ERVK3-1: variants seen among roughly 807,000 people sequenced by gnomAD.
ERVK3-1 encodes the protein endogenous retrovirus group K3 member 1.
At chr19:58,315,441 A>G (rs941540836) in exon 4 of ERVK3-1, 2 of 152,236 alleles carry the variant, frequency 1.3e-5, no homozygotes, top group Non-Finnish European at 2.9e-5. Context: ...AAATGGAGTC[A>G]TACAATATGT....
downstream of ERVK3-1, among the ~76,000 whole-genome samples, chr19:58,316,078 ATGG>A (rs2051590927): frequency 6.6e-6 from 1 of 152,088 alleles, no homozygotes; most frequent in African/African-American, 2.4e-5. Flanking sequence ...AGTGAGGTAG[ATGG>A]TGGGGTGGCA....
Position 58,310,701 on chromosome 19 carries a change from T to C in ERVK3-1, c.-3-1465T>C, listed in dbSNP as rs1026202825. On this transcript the variant is annotated intron_variant, in intron 2 of 3. Transcript: ENST00000413518. This position sits in a 1 kb window ranked among gnomAD's most constrained non-coding sequence, Gnocchi z 4.7. ...GAAGGCGGACTAGGAGCGTGACCAC[T>C]GAAGCACAGAATCACAGGGAGACGG... 6.2e-5 allele frequency: 12 copies of C among 193,762 alleles called. No individual in the cohort carries two copies. Among genetic ancestry groups the C allele is most frequent in the Admixed American group, 4.4e-4 (8 of 18,390 alleles). The allele number at this position is 193,762 out of a possible 1,614,324, so 12.0% of individuals were successfully genotyped here. A position where few individuals can be genotyped will look rare whatever the true frequency, so the allele number is the denominator to read the frequency against.
chr19:58,316,350 C>T (rs1393931170), downstream of ERVK3-1, among the ~76,000 whole-genome samples: 21 of 152,158 alleles, frequency 1.4e-4, no homozygotes, highest in Non-Finnish European at 1.3e-4. Context: ...CTGCCCAGGC[C>T]ATCAGAGTAT....
At chr19:58,306,066 C>G (rs572036740) in intron 1 of ERVK3-1, 22 bp from the exon 2 acceptor site, 1 of 152,486 alleles carries the variant, frequency 6.6e-6, no homozygotes, top group Non-Finnish European at 1.5e-5. Context: ...TTTCTGCCTT[C>G]GTTCTCCTTC....
rs2051571953 is a variant in ERVK3-1 at position 58,313,734 on chromosome 19, T to A, written c.295-1014T>A. ...ATACAAACACACAACATATCCACTC[T>A]AATAATTCTGGGTCGTATCCCTGGA... On this transcript the variant is annotated intron_variant, in intron 3 of 3. Transcript: ENST00000413518. This position sits in a 1 kb window ranked among gnomAD's most constrained non-coding sequence, Gnocchi z 4.5. Among the ~76,000 whole-genome samples, 1 of 152,236 alleles carries A rather than the reference T, an allele frequency of 6.6e-6. No individual in the cohort carries two copies. The highest frequency in any genetic ancestry group is 2.4e-5 in the African/African-American group (1 of 41,466).
rs1244269647 is a variant in ERVK3-1 at position 58,310,001 on chromosome 19, CT to C, written c.-3-2164del. The C allele has an allele frequency of 1.3e-5, 2 of 152,188 alleles. No individual in the cohort carries two copies. The highest frequency in any genetic ancestry group is 2.9e-5 in the Non-Finnish European group (2 of 68,042). 9.4% of individuals were successfully genotyped at this position (152,188 alleles called of 1,614,324 possible). A position where few individuals can be genotyped will look rare whatever the true frequency, so the allele number is the denominator to read the frequency against. On this transcript the variant is annotated intron_variant, in intron 2 of 3. Coordinates refer to ENST00000413518, the Ensembl canonical transcript of ERVK3-1. The surrounding 1 kb of genome is among the most constrained non-coding windows in gnomAD (Gnocchi z 4.7). ...TATAAAATTCACCCTTTTATTCCCCCTGTGATTGCTCATCACAAACCCATTT... is the reference window on the plus strand; with the variant it reads ...TATAAAATTCACCCTTTTATTCCCCCGTGATTGCTCATCACAAACCCATTT...
At chr19:58,307,437 C>T (rs142361155) in intron 2 of ERVK3-1, among the ~76,000 whole-genome samples, 5 of 152,184 alleles carry the variant, frequency 3.3e-5, no homozygotes, top group African/African-American at 9.7e-5. Flanking sequence ...TGAACTCCAT[C>T]GTTCAACTGT....
At position 58,310,084 on chromosome 19, in the gene ERVK3-1, G is replaced by A. The variant is rs1272964520; in HGVS notation, c.-3-2082G>A. Reference sequence around the variant, plus strand: ...TTCCAAAAGCCACACAGCCATTTATGGACCTAAATATACTTAAATAATAAA... The same window carrying A: ...TTCCAAAAGCCACACAGCCATTTATAGACCTAAATATACTTAAATAATAAA... On this transcript the variant is annotated intron_variant, in intron 2 of 3. Coordinates refer to ENST00000413518, the Ensembl canonical transcript of ERVK3-1. The surrounding 1 kb of genome is among the most constrained non-coding windows in gnomAD (Gnocchi z 4.7). 6.6e-6 allele frequency: 1 copy of A among 152,208 alleles called. No individual in the cohort carries two copies. Among genetic ancestry groups the A allele is most frequent in the African/African-American group, 2.4e-5 (1 of 41,516 alleles). The allele number at this position is 152,208 out of a possible 1,614,324, so 9.4% of individuals were successfully genotyped here. A position where few individuals can be genotyped will look rare whatever the true frequency, so the allele number is the denominator to read the frequency against.
At chr19:58,307,164 G>A (rs1278591956) in intron 2 of ERVK3-1, among the ~76,000 whole-genome samples, 1 of 152,244 alleles carries the variant, frequency 6.6e-6, no homozygotes, top group African/African-American at 2.4e-5. Context: ...CGCTAAGCGT[G>A]CCTGGGCCAC....
chr19:58,316,579 G>C (rs2051594016), downstream of ERVK3-1, among the ~76,000 whole-genome samples: 1 of 152,216 alleles, frequency 6.6e-6, no homozygotes, highest in South Asian at 2.1e-4. Context: ...GCTGAGGCAG[G>C]TGAATCGCTT....
In ERVK3-1 at chr19:58,310,847, G is replaced by T. The variant is rs138642955; in HGVS notation, c.-3-1319G>T. ...GGGAGACCGCCCCCCACCCTTTCCC[G>T]GTCTGCTAAGTAGCGGGTGTTGTTC... On this transcript the variant is annotated intron_variant, in intron 2 of 3. Transcript: ENST00000413518. The surrounding 1 kb of genome is among the most constrained non-coding windows in gnomAD (Gnocchi z 4.7). 2,359 of 396,622 alleles carry T rather than the reference G, an allele frequency of 5.9e-3. 53 individuals are homozygous for T. The highest frequency in any genetic ancestry group is 0.044 in the African/African-American group (2,110 of 47,996). 24.6% of individuals were successfully genotyped at this position (396,622 alleles called of 1,614,324 possible).
chr19:58,305,696 C>T (rs950757220), intron 1 of ERVK3-1, among the ~76,000 whole-genome samples: 2 of 152,128 alleles, frequency 1.3e-5, no homozygotes, highest in Admixed American at 1.3e-4. Context: ...GAATGAGGGT[C>T]GTGACCAACT....
chr19:58,307,970 G>T (rs771621176), intron 2 of ERVK3-1, among the ~76,000 whole-genome samples: 21 of 152,166 alleles, frequency 1.4e-4, no homozygotes, highest in Non-Finnish European at 2.6e-4. Flanking sequence ...TTGCCAACAG[G>T]ATATACAGGA....
exon 4 of ERVK3-1, chr19:58,314,961 C>T (rs1202490167): frequency 1.0e-5 from 4 of 390,736 alleles, no homozygotes; most frequent in African/African-American, 2.1e-5. Context: ...CTCTGTCTGC[C>T]GCCAGAAGGA....
At chr19:58,309,792 TATAAC>T (rs1161165751) in intron 2 of ERVK3-1, 1 of 152,314 alleles carries the variant, frequency 6.6e-6, no homozygotes, top group East Asian at 1.9e-4. Context: ...TCACACAACT[TATAAC>T]AATAGGCAGG....
chr19:58,309,411 T>C (rs544672503), intron 2 of ERVK3-1: 3 of 152,328 alleles, frequency 2.0e-5, no homozygotes, highest in African/African-American at 4.8e-5. Flanking sequence ...CCTCAGAAAG[T>C]AGCTCTTCGT....
chr19:58,308,284 G>A (rs940862490), intron 2 of ERVK3-1, among the ~76,000 whole-genome samples: 14 of 152,332 alleles, frequency 9.2e-5, no homozygotes, highest in African/African-American at 3.4e-4. Flanking sequence ...GGAAAGAAGT[G>A]TTGTGGGTGT....
chr19:58,306,951 T>C (rs1185240133), intron 2 of ERVK3-1, among the ~76,000 whole-genome samples: 7 of 152,368 alleles, frequency 4.6e-5, no homozygotes, highest in African/African-American at 1.7e-4. Flanking sequence ...ATATAAAGCA[T>C]TTAGCTTGCA....
chr19:58,307,039 C>CT (rs563724441), intron 2 of ERVK3-1, among the ~76,000 whole-genome samples: 114 of 152,332 alleles, frequency 7.5e-4, no homozygotes, highest in Admixed American at 1.8e-3. Context: ...TAGACAGAAT[C>CT]TCACCGCTGG....
Sources: gnomAD v4.1 joint callset for allele counts (sites outside exome capture counted in the v4.1 genomes callset) on GRCh38, gnomAD v4.1.1 for gene constraint, Gnocchi (gnomAD v3.1) non-coding constraint, MANE v1.5 for transcripts, NCBI Gene and HGNC (gene_info 2026-07-23, HGNC 2026-07-21) for gene names.